KCNIP4: variants seen among roughly 807,000 people sequenced by gnomAD.
KCNIP4 encodes the protein Kv channel-interacting protein 4.
Under a neutral mutation model 34.0 loss-of-function variants are expected in KCNIP4, and 12 were observed. The observed-to-expected ratio is 0.35, with a 90% CI of 0.23 to 0.57. The LOEUF (loss-of-function observed/expected upper bound fraction) is 0.57, where lower values mean the gene tolerates loss of function less well. Among genes scored for constraint, KCNIP4 ranks in the 20% least tolerant of loss-of-function variants. The pLI, the probability that KCNIP4 is intolerant of heterozygous loss-of-function variation, is 0.83. For synonymous variants in KCNIP4, 124 were observed against 102.2 expected, an observed-to-expected ratio of 1.21 and a Z score of -1.29; for missense variants, 238 against 311.7, an observed-to-expected ratio of 0.76 and a Z score of 1.78.
At chr4:21,123,750 G>T (rs186284948) in intron 1 of KCNIP4, among the ~76,000 whole-genome samples, 7 of 152,046 alleles carry the variant, frequency 4.6e-5, no homozygotes, top group Non-Finnish European at 1.0e-4. Context: ...TGGGGCCCTC[G>T]CAATGGGATT....
At chr4:21,667,683 T>C (rs192420140) in intron 1 of KCNIP4, among the ~76,000 whole-genome samples, 54 of 152,308 alleles carry the variant, frequency 3.5e-4, no homozygotes, top group African/African-American at 1.3e-3. Flanking sequence ...GTCTCCATAG[T>C]AAGGTATGGA....
At chr4:21,337,204 T>A (rs16870851) in intron 1 of KCNIP4, among the ~76,000 whole-genome samples, 8,040 of 152,190 alleles carry the variant, frequency 0.053, 408 homozygotes, top group East Asian at 0.2. Flanking sequence ...ATGAGGCCAG[T>A]TATATTGTGA....
At chr4:20,930,367 G>A (rs1230792824) in intron 1 of KCNIP4, among the ~76,000 whole-genome samples, 1 of 152,018 alleles carries the variant, frequency 6.6e-6, no homozygotes, top group Non-Finnish European at 1.5e-5. Context: ...ACTCAAAATA[G>A]ATAGGAGACC....
At chr4:21,831,223 C>T (rs914467848) in intron 1 of KCNIP4, among the ~76,000 whole-genome samples, 3 of 151,600 alleles carry the variant, frequency 2.0e-5, no homozygotes, top group African/African-American at 7.3e-5. Flanking sequence ...TCTCAAATAA[C>T]CTGACATTAT....
intron 1 of KCNIP4, among the ~76,000 whole-genome samples, chr4:21,108,574 A>C (rs1020318767): frequency 6.6e-6 from 1 of 151,500 alleles, no homozygotes; most frequent in South Asian, 2.1e-4. Context: ...TAGTTTGATC[A>C]TCTGAAGCCA....
intron 1 of KCNIP4, among the ~76,000 whole-genome samples, chr4:21,741,340 C>T (rs758687217): frequency 1.3e-5 from 2 of 152,088 alleles, no homozygotes; most frequent in South Asian, 4.1e-4. Context: ...CAAATAGCAC[C>T]GTGGAAACAA....
chr4:21,297,055 T>C (rs1053161125), intron 1 of KCNIP4, among the ~76,000 whole-genome samples: 3 of 151,592 alleles, frequency 2.0e-5, no homozygotes. Context: ...TTTGTGTGTG[T>C]ATAAATATAT....
intron 1 of KCNIP4, among the ~76,000 whole-genome samples, chr4:21,884,779 C>T (rs1726664622): frequency 6.6e-6 from 1 of 152,062 alleles, no homozygotes; most frequent in Non-Finnish European, 1.5e-5. Context: ...TCACTACCTT[C>T]TAGTCATTCT....
rs1553860312 is a variant in KCNIP4, at chr4:21,320,964, T to TTAAAAAAAAAAAAAAAAAAAAAAA, written c.62-438256_62-438255insTTTTTTTTTTTTTTTTTTTTTTTA. ...TGGGCAATAGAGCAAGAATCTGTCT[T>TTAAAAAAAAAAAAAAAAAAAAAAA]AAAAAAAAAAAAAAAAAAGAGGAAA... On this transcript the variant is annotated intron_variant, in intron 1 of 8. Transcript: ENST00000382152. 1.5e-4 allele frequency among the ~76,000 whole-genome samples: 15 copies of TTAAAAAAAAAAAAAAAAAAAAAAA among 102,896 alleles called. 1 individual carries two copies. The highest frequency in any genetic ancestry group is 2.1e-4 in the Non-Finnish European group (11 of 53,332). The allele number at this position is 102,896 out of a possible 152,430, so 67.5% of individuals were successfully genotyped here. A position where few individuals can be genotyped will look rare whatever the true frequency, so the allele number is the denominator to read the frequency against.
chr4:21,043,677 T>G (rs1328836805), intron 1 of KCNIP4, among the ~76,000 whole-genome samples: 1 of 152,024 alleles, frequency 6.6e-6, no homozygotes, highest in Non-Finnish European at 1.5e-5. Flanking sequence ...AAGAAGAAAA[T>G]AGAAGCAATG....
At chr4:20,732,584 T>C (rs1748587912) in intron 7 of KCNIP4, 97 bp downstream of exon 7, 1 of 763,942 alleles carries the variant, frequency 1.3e-6, no homozygotes, top group Admixed American at 2.3e-5. Context: ...TAAAAATTAT[T>C]TTCCTTTGCT....
At chr4:21,242,529 G>A (rs1759908690) in intron 1 of KCNIP4, among the ~76,000 whole-genome samples, 1 of 152,112 alleles carries the variant, frequency 6.6e-6, no homozygotes, top group Non-Finnish European at 1.5e-5. Flanking sequence ...GATTAGCATT[G>A]GATCAGTGGA....
chr4:21,224,312 T>C (rs572688349), intron 1 of KCNIP4, among the ~76,000 whole-genome samples: 2 of 152,152 alleles, frequency 1.3e-5, no homozygotes, highest in East Asian at 3.9e-4. Flanking sequence ...TAGACAGCCA[T>C]CTTCTTGCAG....
At chr4:21,830,957 C>A (rs1722947886) in intron 1 of KCNIP4, among the ~76,000 whole-genome samples, 2 of 152,234 alleles carry the variant, frequency 1.3e-5, no homozygotes, top group Admixed American at 6.5e-5. Flanking sequence ...ATTTCAAGTT[C>A]TTTTCCTGAC....
At chr4:20,876,249 T>G (rs752135852) in intron 2 of KCNIP4, among the ~76,000 whole-genome samples, 1 of 152,126 alleles carries the variant, frequency 6.6e-6, no homozygotes, top group Admixed American at 6.6e-5. Context: ...ATCTAGTAAG[T>G]GCCTTTTTGT....
At chr4:21,254,908 C>T (rs1760957835) in intron 1 of KCNIP4, among the ~76,000 whole-genome samples, 3 of 152,192 alleles carry the variant, frequency 2.0e-5, no homozygotes, top group Non-Finnish European at 4.4e-5. Context: ...TAATATTTCC[C>T]TGTAATCATC....
chr4:20,906,173 T>A (rs1727749541), intron 1 of KCNIP4, among the ~76,000 whole-genome samples: 1 of 151,770 alleles, frequency 6.6e-6, no homozygotes, highest in Non-Finnish European at 1.5e-5. Context: ...ACAGGGGGAT[T>A]TTAATAAATG....
intron 1 of KCNIP4, among the ~76,000 whole-genome samples, chr4:21,728,367 G>A (rs1230831928): frequency 1.3e-5 from 2 of 152,080 alleles, no homozygotes; most frequent in Non-Finnish European, 1.5e-5. Context: ...ATCAGCAAAT[G>A]GTGTTGGCTC....
At position 21,516,836 on chromosome 4, in the gene KCNIP4, G is replaced by A. The variant is rs555286773; in HGVS notation, c.61+431735C>T. On this transcript the variant is annotated intron_variant, in intron 1 of 8. Transcript: ENST00000382152. Reference sequence around the variant, plus strand: ...GTTGTGCCTAGGAAAAGGAAGTTTAGGAACACGAAATTCTATCTGGGAAGA... The same window carrying A: ...GTTGTGCCTAGGAAAAGGAAGTTTAAGAACACGAAATTCTATCTGGGAAGA... Among the ~76,000 whole-genome samples, 3 of 152,226 alleles carry A rather than the reference G, an allele frequency of 2.0e-5. No homozygotes were observed. The East Asian group carries it at 5.8e-4, about 29-fold the overall frequency.
Sources: gnomAD v4.1 joint callset for allele counts (sites outside exome capture counted in the v4.1 genomes callset) on GRCh38, gnomAD v4.1.1 for gene constraint, MANE v1.5 for transcripts, NCBI Gene and HGNC (gene_info 2026-07-23, HGNC 2026-07-21) for gene names.